The following CTDSPL variants were observed in gnomAD, a reference collection of about 807,000 sequenced individuals.
CTDSPL encodes CTD small phosphatase like.
CTDSPL carries 8 observed loss-of-function variants against 30.5 expected under a neutral mutation model. The observed-to-expected ratio is 0.26, with a 90% confidence interval of 0.15 to 0.47. CTDSPL has a LOEUF of 0.47. CTDSPL is among the 20% of genes least tolerant of loss of function. The pLI is 0.99. For synonymous variants in CTDSPL, 110 were observed against 137.9 expected (o/e 0.80, Z 1.42); for missense variants, 248 against 366.1 (o/e 0.68, Z 2.63).
At chr3:37,921,278 T>C (rs543243515) in intron 1 of CTDSPL, among the ~76,000 whole-genome samples, 1 of 152,322 alleles carries the variant, frequency 6.6e-6, no homozygotes, top group African/African-American at 2.4e-5. Flanking sequence ...GTCCCAGATC[T>C]TTCCACTGCC....
intron 1 of CTDSPL, among the ~76,000 whole-genome samples, chr3:37,876,469 C>T (rs138437408): frequency 2.0e-5 from 3 of 152,268 alleles, no homozygotes; most frequent in Non-Finnish European, 4.4e-5. Context: ...GCATCCTTGT[C>T]AGCACTTGAT....
At chr3:37,934,122 A>AT (rs1406156686) in intron 1 of CTDSPL, among the ~76,000 whole-genome samples, 1 of 152,162 alleles carries the variant, frequency 6.6e-6, no homozygotes, top group Non-Finnish European at 1.5e-5. Context: ...AGGAGTTAGA[A>AT]AACAGTCTGG....
At chr3:37,897,932 G>A (rs556158267) in intron 1 of CTDSPL, among the ~76,000 whole-genome samples, 8 of 152,066 alleles carry the variant, frequency 5.3e-5, no homozygotes, top group Non-Finnish European at 1.0e-4. Flanking sequence ...TTGGAGTGCC[G>A]GTTATACACT....
chr3:37,908,589 G>A (rs9829372), intron 1 of CTDSPL, among the ~76,000 whole-genome samples: 3,596 of 152,284 alleles, frequency 0.024, 142 homozygotes, highest in African/African-American at 0.082. Flanking sequence ...GTGCAGAGAG[G>A]AAGGTATCTA....
At chr3:37,896,818 C>T (rs1159807668) in intron 1 of CTDSPL, among the ~76,000 whole-genome samples, 3 of 152,244 alleles carry the variant, frequency 2.0e-5, no homozygotes, top group South Asian at 2.1e-4. Flanking sequence ...GGATTACAGG[C>T]GTGAGTCACC....
chr3:37,956,911 A>G lies in CTDSPL; in HGVS notation c.235-200A>G, dbSNP rs574781308. 1.4e-4 allele frequency among the ~76,000 whole-genome samples: 22 copies of G among 152,250 alleles called. No individual in the cohort carries two copies. In the Middle Eastern group the frequency reaches 0.014, roughly 94 times the overall value. ...GGAGCCCAGCCTGGCTTGTTGGGAG[A>G]GCAGGTGTCTGAGAGACAGAAGGAG... On this transcript the variant is annotated intron_variant, in intron 2 of 7. Transcript: ENST00000273179.
At chr3:37,896,329 A>G (rs1698389665) in intron 1 of CTDSPL, among the ~76,000 whole-genome samples, 1 of 152,174 alleles carries the variant, frequency 6.6e-6, no homozygotes, top group Admixed American at 6.5e-5. Flanking sequence ...GTATCTTAAA[A>G]CAGCAGGACA....
chr3:37,867,999 T>C (rs901320080), intron 1 of CTDSPL, among the ~76,000 whole-genome samples: 1 of 152,178 alleles, frequency 6.6e-6, no homozygotes, highest in African/African-American at 2.4e-5. Flanking sequence ...TTGTACATTT[T>C]TCTGAGGTAC....
chr3:37,898,551 C>A (rs1437230713), intron 1 of CTDSPL, among the ~76,000 whole-genome samples: 9 of 152,024 alleles, frequency 5.9e-5, no homozygotes, highest in African/African-American at 2.2e-4. Context: ...TACTACGAGC[C>A]CCGTGCCAAG....
chr3:37,940,462 C>T (rs1166427862), intron 1 of CTDSPL, among the ~76,000 whole-genome samples: 2 of 150,598 alleles, frequency 1.3e-5, no homozygotes, highest in Admixed American at 1.3e-4. Context: ...CAGACAGTGT[C>T]GTCAGAAATC....
chr3:37,971,192 G>A (rs1379136079), intron 5 of CTDSPL, among the ~76,000 whole-genome samples: 16 of 152,272 alleles, frequency 1.1e-4, no homozygotes, highest in African/African-American at 2.6e-4. Context: ...TAGGAGGGGC[G>A]TCTGCAGTGA....
At chr3:37,921,607 CCACACACACACACA>C (rs58395906) in intron 1 of CTDSPL, among the ~76,000 whole-genome samples, 6 of 147,636 alleles carry the variant, frequency 4.1e-5, no homozygotes, top group African/African-American at 7.5e-5. Flanking sequence ...ACCCTAACTA[CCACACACACACACA>C]CACACACACA....
At position 37,891,046 on chromosome 3, in the gene CTDSPL, G is replaced by A. The variant is rs114927895; in HGVS notation, c.79+28768G>A. ...GAGTATATCTCTAGGCCAGCCCCAGGGGTAGAGTTAACCAGTGGGCACACT... is the reference window on the plus strand; with the variant it reads ...GAGTATATCTCTAGGCCAGCCCCAGAGGTAGAGTTAACCAGTGGGCACACT... On this transcript the variant is annotated intron_variant, in intron 1 of 7. Coordinates refer to ENST00000273179, the MANE Select transcript of CTDSPL (RefSeq NM_001008392.2). 6.3e-3 allele frequency among the ~76,000 whole-genome samples: 952 copies of A among 152,214 alleles called. 4 individuals are homozygous for A. The highest frequency in any genetic ancestry group is 0.024 in the Middle Eastern group (7 of 294).
chr3:37,875,602 T>G (rs1698126161), intron 1 of CTDSPL, among the ~76,000 whole-genome samples: 1 of 152,206 alleles, frequency 6.6e-6, no homozygotes, highest in Non-Finnish European at 1.5e-5. Flanking sequence ...TATGTAATCT[T>G]TCTCTCTGTA....
intron 1 of CTDSPL, among the ~76,000 whole-genome samples, chr3:37,874,071 T>A (rs1698106063): frequency 6.6e-6 from 1 of 152,222 alleles, no homozygotes. Context: ...ACAAAGGACC[T>A]TATATCTGGA....
At chr3:37,964,032 T>TTA (rs1699271221) in intron 3 of CTDSPL, among the ~76,000 whole-genome samples, 1 of 22,964 alleles carries the variant, frequency 4.4e-5, no homozygotes, top group Admixed American at 7.5e-4. Flanking sequence ...TCTCAGTCAC[T>TTA]AAAAAAAAAA....
At chr3:37,946,907 C>G in intron 1 of CTDSPL, 150 bp from the exon 2 acceptor site, 1 of 717,350 alleles carries the variant, frequency 1.4e-6, no homozygotes, top group Non-Finnish European at 2.2e-6. Context: ...AGAGTAACTT[C>G]CAGGAGCCCC....
Position 37,957,147 on chromosome 3 carries a change from T to C in CTDSPL, c.267+4T>C. ...GCAGGTCATTCCCATACCAAGTGTA[T>C]GTATATTTATCTAATTTTATTTATT... is the stretch of plus-strand genomic sequence containing the variant. On this transcript the variant is annotated splice_donor_region_variant and intron_variant, in intron 3 of 7. Transcript: ENST00000273179. The C allele has an allele frequency of 6.4e-7, 1 of 1,573,438 alleles. No individual in the cohort carries two copies. The highest frequency in any genetic ancestry group is 8.7e-7 in the Non-Finnish European group (1 of 1,154,402).
chr3:37,885,744 A>G (rs1698255556), intron 1 of CTDSPL, among the ~76,000 whole-genome samples: 1 of 152,148 alleles, frequency 6.6e-6, no homozygotes, highest in Non-Finnish European at 1.5e-5. Flanking sequence ...AGCAGGAAAA[A>G]AGATGTGAGA....
Sources: allele counts gnomAD v4.1 joint callset (sites outside exome capture counted in the v4.1 genomes callset), GRCh38; gene constraint gnomAD v4.1.1; transcripts MANE v1.5; gene names NCBI Gene and HGNC (gene_info 2026-07-23, HGNC 2026-07-21).